Variants in COX4I1 observed in about 807,000 individuals in gnomAD.
The protein encoded by COX4I1 is cytochrome c oxidase subunit 4I1.
A neutral mutation model predicts 21.7 loss-of-function variants in COX4I1; 18 were observed. That is an observed-to-expected ratio of 0.83 (90% CI 0.57 to 1.23). The LOEUF (loss-of-function observed/expected upper bound fraction) is 1.23. COX4I1 is among the 50% of genes most tolerant of loss of function. The pLI is 0.00. For missense variants in COX4I1, 238 were observed against 220.7 expected (o/e 1.08, Z -0.50); for synonymous variants, 100 against 81.5 (o/e 1.23, Z -1.23).
At position 85,806,270 on chromosome 16, in the gene COX4I1, G is replaced by A. The variant is rs1906192155; in HGVS notation, c.373+406G>A. 7 of 600,842 alleles carry A rather than the reference G, an allele frequency of 1.2e-5. No individual in the cohort carries two copies. In the South Asian group the frequency reaches 1.2e-4, roughly 11 times the overall value. 37.2% of individuals were successfully genotyped at this position (600,842 alleles called of 1,614,324 possible). A position where few individuals can be genotyped will look rare whatever the true frequency, so the allele number is the denominator to read the frequency against. The stretch of plus-strand genomic sequence containing the variant: ...GCATCTCAACAGCCAGCATCTGGGG[G>A]TCCCGACCTGATAGTTTGTGTGTGG... On this transcript the variant is annotated intron_variant, in intron 4 of 4. Transcript: ENST00000253452.
In COX4I1 at chr16:85,807,032, T is replaced by C; in HGVS notation, c.*158T>C. The C allele has an allele frequency of 2.8e-6, 2 of 720,584 alleles. No homozygotes were observed. The highest frequency in any genetic ancestry group is 4.4e-6 in the Non-Finnish European group (2 of 450,100). The allele number at this position is 720,584 out of a possible 1,614,324, so 44.6% of individuals were successfully genotyped here. A position where few individuals can be genotyped will look rare whatever the true frequency, so the allele number is the denominator to read the frequency against. On this transcript the variant is annotated 3_prime_UTR_variant, in exon 5 of 5. Coordinates refer to ENST00000253452, the MANE Select transcript of COX4I1 (RefSeq NM_001861.6). ...TTGTGATCAGTTCTTTAATGATACC[T>C]AAATGAAAGCTAATTAAAACAATAG...
intron 3 of COX4I1, chr16:85,805,350 A>G: frequency 1.9e-6 from 1 of 534,590 alleles, no homozygotes; most frequent in Admixed American, 3.5e-5. Context: ...GCCTCTCAGC[A>G]TATCTGCTGG....
chr16:85,806,662 T>G, intron 4 of COX4I1, 76 bp from the exon 5 acceptor site: 1 of 1,612,356 alleles, frequency 6.2e-7, no homozygotes, highest in South Asian at 1.1e-5. Context: ...GTCGGGAGGA[T>G]TTAACCTGTG....
At chr16:85,800,833 A>G (rs1246909180) in intron 1 of COX4I1, among the ~76,000 whole-genome samples, 1 of 152,190 alleles carries the variant, frequency 6.6e-6, no homozygotes, top group African/African-American at 2.4e-5. Flanking sequence ...CATGTTGGCC[A>G]GGCTGGTCTT....
At chr16:85,804,861 G>T in intron 2 of COX4I1, 76 bp from the exon 3 acceptor site, 1 of 1,368,104 alleles carries the variant, frequency 7.3e-7, no homozygotes, top group Non-Finnish European at 1.0e-6. Context: ...TCTGTGTTTC[G>T]GTTTTCAGAA....
Position 85,806,792 on chromosome 16 carries a change from A to C in COX4I1, c.428A>C (p.Lys143Thr). The change falls in exon 5 of 5, where the codon AAG (lysine) becomes ACG (threonine). Residue 143 changes from lysine to threonine, a missense_variant. Physicochemically the swap from Lys to Thr is moderately conservative, Grantham distance 78. Transcript: ENST00000253452. ...FDKEWVAKQT[K>T]RMLDMKVNPI... ...AAAGAGTGGGTGGCCAAGCAGACCA[A>C]GAGGATGCTGGACATGAAGGTGAAC... The C allele has an allele frequency of 1.9e-6, 3 of 1,614,222 alleles. No individual in the cohort carries two copies. Among genetic ancestry groups the C allele is most frequent in the Non-Finnish European group, 2.5e-6 (3 of 1,180,046 alleles).
Position 85,804,964 on chromosome 16 carries a change from C to T in COX4I1, c.101C>T (p.Ser34Leu), listed in dbSNP as rs201058411. 1.3e-5 allele frequency: 21 copies of T among 1,609,590 alleles called. No individual in the cohort carries two copies. Among genetic ancestry groups the T allele is most frequent in the Admixed American group, 6.8e-5 (4 of 58,400 alleles). ...HESVVKSEDF[S>L]LPAYMDRRDH... ...AGTGTTGTGAAGAGCGAAGACTTTTCGCTCCCAGCTTATATGGATCGGCGT... is the reference window on the plus strand; with the variant it reads ...AGTGTTGTGAAGAGCGAAGACTTTTTGCTCCCAGCTTATATGGATCGGCGT... The change falls in exon 3 of 5, where the codon TCG becomes TTG. Residue 34 changes from serine to leucine, a missense_variant. Physicochemically the swap from Ser to Leu is moderately radical, Grantham distance 145. Transcript: ENST00000253452.
intron 1 of COX4I1, among the ~76,000 whole-genome samples, chr16:85,800,706 C>T (rs1905653091): frequency 6.6e-6 from 1 of 152,160 alleles, no homozygotes; most frequent in African/African-American, 2.4e-5. Flanking sequence ...TCACTGCAGT[C>T]TCTACCTCCC....
Position 85,806,896 on chromosome 16 carries a change from ACCTGCG to A in COX4I1, c.*27_*32del. ...GTGAGAGATGCTGGCCTGCGCCTGC[ACCTGCG>A]CCTGGCTCTGTCACCGCCATGCAAC... is the stretch of plus-strand genomic sequence containing the variant. On this transcript the variant is annotated 3_prime_UTR_variant, in exon 5 of 5. Coordinates refer to ENST00000253452, the MANE Select transcript of COX4I1 (RefSeq NM_001861.6). 6.2e-7 allele frequency: 1 copy of A among 1,602,132 alleles called. No homozygotes were observed.
intron 1 of COX4I1, among the ~76,000 whole-genome samples, chr16:85,800,949 A>G (rs1481786099): frequency 6.6e-6 from 1 of 152,048 alleles, no homozygotes; most frequent in Non-Finnish European, 1.5e-5. Context: ...AAAAAGACCA[A>G]TGTTCTGTTA....
At chr16:85,804,592 G>C (rs1254568161) in intron 2 of COX4I1, 1 of 177,782 alleles carries the variant, frequency 5.6e-6, no homozygotes, top group Non-Finnish European at 1.2e-5. Context: ...TCCTGACATC[G>C]TGATCCGCCT....
At chr16:85,802,025 C>CT (rs1035776265) in intron 2 of COX4I1, among the ~76,000 whole-genome samples, 8 of 152,048 alleles carry the variant, frequency 5.3e-5, no homozygotes, top group African/African-American at 1.9e-4. Context: ...TCTCCAGGGT[C>CT]TTTTCATTGC....
chr16:85,804,901 A>T, intron 2 of COX4I1, 36 bp from the exon 3 acceptor site: 1 of 1,575,164 alleles, frequency 6.3e-7, no homozygotes, highest in Non-Finnish European at 8.6e-7. Context: ...CTCAACTTAC[A>T]TGGATTTTCA....
chr16:85,806,282 T>C (rs1906193286), intron 4 of COX4I1: 1 of 602,204 alleles, frequency 1.7e-6, no homozygotes, highest in Non-Finnish European at 2.9e-6. Context: ...CCCGACCTGA[T>C]AGTTTGTGTG....
chr16:85,804,887 G>T, intron 2 of COX4I1, 50 bp from the exon 3 acceptor site: 3 of 1,533,256 alleles, frequency 2.0e-6, no homozygotes, highest in South Asian at 1.2e-5. Flanking sequence ...ACCTTGGGGT[G>T]ACTCTCAACT....
At chr16:85,806,154 C>T (rs1906182356) in intron 4 of COX4I1, 2 of 585,406 alleles carry the variant, frequency 3.4e-6, no homozygotes, top group Admixed American at 3.1e-5. Flanking sequence ...ATGTGCTCAC[C>T]AGTCACTTAG....
intron 3 of COX4I1, 114 bp from the exon 4 acceptor site, chr16:85,805,619 C>A: frequency 6.7e-7 from 1 of 1,491,852 alleles, no homozygotes. Flanking sequence ...GTGTATCCTT[C>A]AGCTCTGTGT....
rs1906240632 is a variant in COX4I1, at chr16:85,806,771, A to T, written c.407A>T (p.Glu136Val). 1 of 1,614,204 alleles carries T rather than the reference A, an allele frequency of 6.2e-7. No individual in the cohort carries two copies. Among genetic ancestry groups the T allele is most frequent in the Non-Finnish European group, 8.5e-7 (1 of 1,180,042 alleles). The stretch of plus-strand genomic sequence containing the variant: ...CCCCTCCCGCAAAGCTTTGACAAAG[A>T]GTGGGTGGCCAAGCAGACCAAGAGG... ...YGPLPQSFDK[E>V]WVAKQTKRML... Residue 136 changes from glutamate (E) to valine (V), a missense_variant, in exon 5 of 5, where the codon GAG (glutamate) becomes GTG (valine). Physicochemically the swap from Glu to Val is moderately radical, Grantham distance 121. Transcript: ENST00000253452.
chr16:85,804,802 A>G, intron 2 of COX4I1, 135 bp from the exon 3 acceptor site: 4 of 721,558 alleles, frequency 5.5e-6, no homozygotes, highest in South Asian at 1.9e-5. Context: ...CTGTTTAAAC[A>G]GTGGCTGTGA....
Sources: gnomAD v4.1 joint callset for allele counts (sites outside exome capture counted in the v4.1 genomes callset) on GRCh38, gnomAD v4.1.1 for gene constraint, MANE v1.5 for transcripts, NCBI Gene and HGNC (gene_info 2026-07-23, HGNC 2026-07-21) for gene names.